DENND4A: variants seen among roughly 807,000 people sequenced by gnomAD.
DENND4A encodes DENN domain containing 4A, also known as C-myc promoter-binding protein.
A neutral mutation model predicts 199.3 loss-of-function variants in DENND4A; 70 were observed. That is an observed-to-expected ratio of 0.35 (90% CI 0.29 to 0.43). The LOEUF is 0.43. Ranked by LOEUF, DENND4A falls within the 20% of genes least tolerant of loss-of-function variation. DENND4A has a pLI of 1.00. For missense variants in DENND4A, 1,723 were observed against 2,255.8 expected, an observed-to-expected ratio of 0.76 and a Z score of 4.78; for synonymous variants, 686 against 766.9, an observed-to-expected ratio of 0.89 and a Z score of 1.74.
At chr15:65,778,011 C>T (rs1003084412) in intron 1 of DENND4A, among the ~76,000 whole-genome samples, 4 of 151,620 alleles carry the variant, frequency 2.6e-5, no homozygotes, top group African/African-American at 4.9e-5. Flanking sequence ...CCAGCCTGGG[C>T]GACAGAGGGA....
chr15:65,788,080 T>A (rs1567113578), intron 1 of DENND4A, among the ~76,000 whole-genome samples: 1 of 150,460 alleles, frequency 6.6e-6, no homozygotes, highest in Non-Finnish European at 1.5e-5. Context: ...TTTATTTATT[T>A]ATTTTTTTTT....
intron 4 of DENND4A, among the ~76,000 whole-genome samples, chr15:65,752,077 G>GT (rs940929759): frequency 5.2e-5 from 7 of 135,692 alleles, no homozygotes; most frequent in African/African-American, 1.9e-4. Context: ...TCCCGTTGAG[G>GT]TGTGGGATCT....
At chr15:65,760,151 T>C (rs1263487164) in intron 2 of DENND4A, among the ~76,000 whole-genome samples, 3 of 152,218 alleles carry the variant, frequency 2.0e-5, no homozygotes, top group Non-Finnish European at 4.4e-5. Context: ...TCCATCATAA[T>C]GAAGAAACTA....
chr15:65,687,366 T>A (rs1391425780), intron 23 of DENND4A, among the ~76,000 whole-genome samples: 1 of 152,176 alleles, frequency 6.6e-6, no homozygotes, highest in East Asian at 1.9e-4. Context: ...ATGTTACTAT[T>A]TTTGTTTTGG....
At chr15:65,702,821 C>T (rs1415414912) in intron 16 of DENND4A, 52 bp downstream of exon 16, 43 of 1,492,324 alleles carry the variant, frequency 2.9e-5, no homozygotes, top group Non-Finnish European at 3.9e-5. Flanking sequence ...GATAAATATC[C>T]AATTTATTTC....
At chr15:65,665,562 C>T (rs755469957) in intron 29 of DENND4A, 100 bp from the exon 30 acceptor site, 3 of 840,362 alleles carry the variant, frequency 3.6e-6, no homozygotes, top group East Asian at 2.9e-5. Flanking sequence ...TGTATATGTG[C>T]GAGACAGAAA....
chr15:65,740,928 C>T (rs2076244588), intron 5 of DENND4A, among the ~76,000 whole-genome samples: 1 of 152,050 alleles, frequency 6.6e-6, no homozygotes, highest in South Asian at 2.1e-4. Context: ...TACCACTGTA[C>T]TCCAGCCTGA....
In DENND4A at chr15:65,667,466, A is replaced by C. The variant is rs368398651; in HGVS notation, c.5224T>G (p.Cys1742Gly). ...LPGLILSSEH[C>G]NKYSKIPRHC... ...TCTCATACCTTTGAATACTTGTTAC[A>C]GTGCTCAGAAGAAAGAATCAATCCA... Residue 1742 changes from cysteine to glycine, a missense_variant, in exon 29 of 33, where the codon TGT (cysteine) becomes GGT (glycine). Cys to Gly is a radical substitution (Grantham distance 159). This residue lies in a region of DENND4A where 164 missense variants were observed against 280.1 expected (regional missense o/e 0.59). Coordinates refer to ENST00000443035, the MANE Select transcript of DENND4A (RefSeq NM_001320835.1). 20 of 1,613,896 alleles carry C rather than the reference A, an allele frequency of 1.2e-5. No homozygotes were observed. Among genetic ancestry groups the C allele is most frequent in the Non-Finnish European group, 1.6e-5 (19 of 1,179,898 alleles).
At chr15:65,667,335 TA>T in intron 29 of DENND4A, 113 bp downstream of exon 29, 2 of 1,284,420 alleles carry the variant, frequency 1.6e-6, no homozygotes, top group Admixed American at 2.5e-5. Flanking sequence ...TCTCAAAAAA[TA>T]AAATAAAATA....
At chr15:65,707,536 C>T (rs1310568165) in intron 14 of DENND4A, among the ~76,000 whole-genome samples, 1 of 152,072 alleles carries the variant, frequency 6.6e-6, no homozygotes, top group East Asian at 1.9e-4. Flanking sequence ...ATGCTATACT[C>T]TCTTGGATTA....
chr15:65,754,492 G>C (rs551118764), intron 3 of DENND4A, among the ~76,000 whole-genome samples: 1 of 152,194 alleles, frequency 6.6e-6, no homozygotes, highest in African/African-American at 2.4e-5. Context: ...AAAGTAAAAA[G>C]AACCTACAGA....
intron 15 of DENND4A, among the ~76,000 whole-genome samples, chr15:65,704,883 C>T (rs1246070761): frequency 2.0e-5 from 3 of 152,014 alleles, no homozygotes; most frequent in African/African-American, 7.2e-5. Flanking sequence ...TAAGCCACCG[C>T]GTCTGGCCAA....
At chr15:65,727,121 C>T (rs963514761) in intron 11 of DENND4A, among the ~76,000 whole-genome samples, 12 of 151,690 alleles carry the variant, frequency 7.9e-5, no homozygotes, top group Non-Finnish European at 7.4e-5. Context: ...CCAAACCAGC[C>T]GGGACAACAC....
At position 65,756,263 on chromosome 15, in the gene DENND4A, T is replaced by C. The variant is rs2076699021; in HGVS notation, c.188A>G (p.Tyr63Cys). Reference protein sequence around the residue: ...KSLGEEVPQDYICIDVTPTGL... With the variant: ...KSLGEEVPQDCICIDVTPTGL... Reference sequence around the variant, plus strand: ...AGTTGGGGTAACATCAATACAGATATAATCCTGTGGGACTTCCTCCCCAAG... The same window carrying C: ...AGTTGGGGTAACATCAATACAGATACAATCCTGTGGGACTTCCTCCCCAAG... The change falls in exon 3 of 33, where the codon TAT (tyrosine) becomes TGT (cysteine). Residue 63 changes from tyrosine to cysteine, a missense_variant. Around this residue, in one of 6 missense-constraint regions of DENND4A, gnomAD observed 725 missense variants for 952.9 expected, o/e 0.76. Coordinates refer to ENST00000443035, the MANE Select transcript of DENND4A (RefSeq NM_001320835.1). The C allele has an allele frequency of 6.2e-7, 1 of 1,613,156 alleles. No individual in the cohort carries two copies. The highest frequency in any genetic ancestry group is 8.5e-7 in the Non-Finnish European group (1 of 1,179,474).
chr15:65,668,206 CTCTCT>C, intron 27 of DENND4A, 83 bp from the exon 28 acceptor site: 84 of 1,003,094 alleles, frequency 8.4e-5, no homozygotes, highest in Middle Eastern at 6.4e-4. Flanking sequence ...CTCTCTCTCT[CTCTCT>C]TTTTTTTTTT....
chr15:65,752,306 AAAAAAAAGATG>A, intron 4 of DENND4A, 62 bp downstream of exon 4: 1 of 721,122 alleles, frequency 1.4e-6, no homozygotes, highest in Non-Finnish European at 1.9e-6. Context: ...AAAAAAAAAA[AAAAAAAAGATG>A]TATTTAAAAT....
intron 1 of DENND4A, among the ~76,000 whole-genome samples, chr15:65,766,250 CAAA>C (rs5813366): frequency 6.4e-5 from 6 of 93,854 alleles, no homozygotes; most frequent in African/African-American, 7.8e-5. Flanking sequence ...GACTCCACCT[CAAA>C]AAAAAAAAAA....
In DENND4A at chr15:65,709,715, A is replaced by T. The variant is rs1215142461; in HGVS notation, c.1954-3491T>A. Among the ~76,000 whole-genome samples the T allele has an allele frequency of 2.7e-3, 286 of 107,540 alleles. 8 individuals are homozygous for T. In the East Asian group the frequency reaches 0.09, roughly 34 times the overall value. The allele number at this position is 107,540 out of a possible 152,430, so 70.6% of individuals were successfully genotyped here. A position where few individuals can be genotyped will look rare whatever the true frequency, so the allele number is the denominator to read the frequency against. ...CATCTCAAAAAAAAAAAAAAAAAAAAAAAAATATATATATATATATATATA... is the reference window on the plus strand; with the variant it reads ...CATCTCAAAAAAAAAAAAAAAAAAATAAAAATATATATATATATATATATA... On this transcript the variant is annotated intron_variant, in intron 14 of 32. Coordinates refer to ENST00000443035, the MANE Select transcript of DENND4A (RefSeq NM_001320835.1).
chr15:65,704,541 T>C (rs1274968718), intron 15 of DENND4A, among the ~76,000 whole-genome samples: 6 of 152,182 alleles, frequency 3.9e-5, no homozygotes, highest in East Asian at 1.9e-4. Flanking sequence ...CCCAGCTATT[T>C]TTAAAAAATT....
Sources: allele counts gnomAD v4.1 joint callset (sites outside exome capture counted in the v4.1 genomes callset), GRCh38; gene constraint gnomAD v4.1.1; regional missense constraint gnomAD v4.1.1; transcripts MANE v1.5; gene names NCBI Gene and HGNC (gene_info 2026-07-23, HGNC 2026-07-21).